The following PAPSS2 variants were observed in gnomAD, a reference collection of about 807,000 sequenced individuals.
PAPSS2 encodes the protein 3'-phosphoadenosine 5'-phosphosulfate synthase 2.
In PAPSS2, 61 loss-of-function variants were observed where a neutral mutation model predicts 66.5. The ratio of observed to expected loss-of-function variants is 0.92; its 90% CI spans 0.75 to 1.14. PAPSS2 has a LOEUF of 1.14. Among genes scored for constraint, PAPSS2 ranks in the 50% most tolerant of loss-of-function variants. PAPSS2 has a pLI of 0.00. For synonymous variants in PAPSS2, 289 were observed against 287.5 expected (o/e 1.01, Z -0.05); for missense variants, 708 against 789.6 (o/e 0.90, Z 1.24).
At position 87,745,000 on chromosome 10, in the gene PAPSS2, A is replaced by T; in HGVS notation, c.1492-2A>T. On this transcript the variant is annotated splice_acceptor_variant, in intron 11 of 12. Coordinates refer to ENST00000456849, the MANE Select transcript of PAPSS2 (RefSeq NM_001015880.2). LOFTEE classifies it high-confidence loss of function. Reference sequence around the variant, plus strand: ...AGCATGTCCCTTATGGACATTTTCTAGGTCCAGTGGCACTGCAGGTCCCGG... The same window carrying T: ...AGCATGTCCCTTATGGACATTTTCTTGGTCCAGTGGCACTGCAGGTCCCGG... 1 of 1,613,474 alleles carries T rather than the reference A, an allele frequency of 6.2e-7. No individual in the cohort carries two copies. The highest frequency in any genetic ancestry group is 2.2e-5 in the East Asian group (1 of 44,858).
chr10:87,679,539 T>C (rs752475015), intron 1 of PAPSS2, among the ~76,000 whole-genome samples: 1 of 152,130 alleles, frequency 6.6e-6, no homozygotes, highest in Non-Finnish European at 1.5e-5. Context: ...AACTACCACA[T>C]GCACCCTGTA....
chr10:87,738,036 A>G (rs992578447), intron 9 of PAPSS2, among the ~76,000 whole-genome samples: 1 of 152,212 alleles, frequency 6.6e-6, no homozygotes, highest in South Asian at 2.1e-4. Flanking sequence ...GCCATGTTAT[A>G]GCATGTGACA....
intron 1 of PAPSS2, among the ~76,000 whole-genome samples, chr10:87,669,878 A>G: frequency 6.6e-6 from 1 of 152,340 alleles, no homozygotes; most frequent in Non-Finnish European, 1.5e-5. Flanking sequence ...AGAGGCAATG[A>G]CACTTCATGC....
At chr10:87,709,446 G>C (rs1043795356) in intron 2 of PAPSS2, 133 bp downstream of exon 2, 10 of 600,470 alleles carry the variant, frequency 1.7e-5, no homozygotes, top group African/African-American at 1.5e-4. Flanking sequence ...GTAGTAGAAA[G>C]CCTGGGTGTT....
In PAPSS2 at chr10:87,685,437, C is replaced by G. The variant is rs1171191966; in HGVS notation, c.28-23759C>G. Among the ~76,000 whole-genome samples, 4 of 152,296 alleles carry G rather than the reference C, an allele frequency of 2.6e-5. No homozygotes were observed. The East Asian group carries it at 7.7e-4, about 29-fold the overall frequency. On this transcript the variant is annotated intron_variant, in intron 1 of 12. Coordinates refer to ENST00000456849, the MANE Select transcript of PAPSS2 (RefSeq NM_001015880.2). ...GAGTGCAGTGGCTCATGCCTGCAAT[C>G]CTGGCACTTACGGAGGACAAGGCGG...
At chr10:87,730,741 C>G (rs1853718314) in intron 9 of PAPSS2, among the ~76,000 whole-genome samples, 1 of 152,170 alleles carries the variant, frequency 6.6e-6, no homozygotes, top group Admixed American at 6.5e-5. Context: ...GTCCAACCAG[C>G]TACAACATTG....
rs182963844 is a variant in PAPSS2, at chr10:87,746,114, A to T, written c.*144A>T. On this transcript the variant is annotated 3_prime_UTR_variant, in exon 13 of 13. Transcript: ENST00000456849. ...TAAAAGTTGTGTCTATAATTAAAAAAAAATATATATATATACACACACACA... is the reference window on the plus strand; with the variant it reads ...TAAAAGTTGTGTCTATAATTAAAAATAAATATATATATATACACACACACA... 4.3e-4 allele frequency: 266 copies of T among 622,612 alleles called. 1 individual carries two copies. The highest frequency in any genetic ancestry group is 9.4e-4 in the South Asian group (44 of 46,612). 38.6% of individuals were successfully genotyped at this position (622,612 alleles called of 1,614,324 possible). A position where few individuals can be genotyped will look rare whatever the true frequency, so the allele number is the denominator to read the frequency against.
intron 1 of PAPSS2, among the ~76,000 whole-genome samples, chr10:87,670,033 A>C (rs1852857061): frequency 6.6e-6 from 1 of 152,248 alleles, no homozygotes; most frequent in African/African-American, 2.4e-5. Flanking sequence ...TTTTATTAAA[A>C]AAGAGTAAGT....
At chr10:87,707,576 T>G (rs1049234011) in intron 1 of PAPSS2, among the ~76,000 whole-genome samples, 1 of 143,242 alleles carries the variant, frequency 7.0e-6, no homozygotes, top group Non-Finnish European at 1.5e-5. Context: ...TTTTTTTTTT[T>G]TTTTTTTTTT....
chr10:87,695,318 C>G (rs1436806737), intron 1 of PAPSS2, among the ~76,000 whole-genome samples: 1 of 152,180 alleles, frequency 6.6e-6, no homozygotes, highest in African/African-American at 2.4e-5. Context: ...CAGGGCTCCT[C>G]CCTCATGATC....
intron 1 of PAPSS2, among the ~76,000 whole-genome samples, chr10:87,707,503 T>G (rs1295470809): frequency 6.6e-6 from 1 of 152,094 alleles, no homozygotes; most frequent in Non-Finnish European, 1.5e-5. Context: ...CTTTAGTTTC[T>G]ATTTTCCCGA....
At chr10:87,701,393 TTTC>T in intron 1 of PAPSS2, among the ~76,000 whole-genome samples, 1 of 104,140 alleles carries the variant, frequency 9.6e-6, no homozygotes, top group Non-Finnish European at 1.8e-5. Context: ...TCTTTCTTTC[TTTC>T]TCTTTCTTTC....
chr10:87,736,874 A>G (rs965639802), intron 9 of PAPSS2, among the ~76,000 whole-genome samples: 1 of 151,944 alleles, frequency 6.6e-6, no homozygotes, highest in Non-Finnish European at 1.5e-5. Flanking sequence ...GCCTCTTCCT[A>G]TGCTATGTGG....
chr10:87,661,985 G>A (rs759672084), intron 1 of PAPSS2, among the ~76,000 whole-genome samples: 1 of 152,146 alleles, frequency 6.6e-6, no homozygotes, highest in Non-Finnish European at 1.5e-5. Flanking sequence ...AGCTTTGAAT[G>A]TTCATTCAAA....
intron 7 of PAPSS2, among the ~76,000 whole-genome samples, chr10:87,716,525 C>T (rs909829927): frequency 6.6e-6 from 1 of 152,146 alleles, no homozygotes; most frequent in African/African-American, 2.4e-5. Context: ...TATTTCAAGA[C>T]CTTCGGGGAA....
intron 1 of PAPSS2, among the ~76,000 whole-genome samples, chr10:87,695,299 T>A (rs1396638982): frequency 6.6e-6 from 1 of 152,172 alleles, no homozygotes; most frequent in Non-Finnish European, 1.5e-5. Context: ...GAGCACTAAT[T>A]CCATTCATCA....
intron 1 of PAPSS2, among the ~76,000 whole-genome samples, chr10:87,708,324 T>C (rs1227307798): frequency 6.6e-6 from 1 of 152,216 alleles, no homozygotes; most frequent in Non-Finnish European, 1.5e-5. Context: ...AAAAAGTTCA[T>C]ACATTAACCC....
chr10:87,734,800 A>C (rs1589442060), intron 9 of PAPSS2, among the ~76,000 whole-genome samples: 1 of 141,758 alleles, frequency 7.1e-6, no homozygotes. Context: ...TGAATCCACC[A>C]TTTCCTTCCT....
intron 1 of PAPSS2, among the ~76,000 whole-genome samples, chr10:87,675,641 G>A (rs1852934594): frequency 6.6e-6 from 1 of 152,144 alleles, no homozygotes; most frequent in Admixed American, 6.5e-5. Flanking sequence ...CATTCATTAC[G>A]CTGCTATTCT....
Sources: gnomAD v4.1 joint callset for allele counts (sites outside exome capture counted in the v4.1 genomes callset) on GRCh38, gnomAD v4.1.1 for gene constraint, MANE v1.5 for transcripts, NCBI Gene and HGNC (gene_info 2026-07-23, HGNC 2026-07-21) for gene names.